The following FOXN3 variants were observed in gnomAD, a reference collection of about 807,000 sequenced individuals.
The protein encoded by FOXN3 is forkhead box N3.
Under a neutral mutation model 38.4 loss-of-function variants are expected in FOXN3, and 7 were observed. The ratio of observed to expected loss-of-function variants is 0.18; its 90% CI spans 0.10 to 0.34. FOXN3 has a LOEUF of 0.34. Among genes scored for constraint, FOXN3 ranks in the 10% least tolerant of loss-of-function variants. FOXN3 has a pLI of 1.00. For missense variants in FOXN3, 456 were observed against 613.4 expected, an observed-to-expected ratio of 0.74 and a Z score of 2.71; for synonymous variants, 230 against 242.2, an observed-to-expected ratio of 0.95 and a Z score of 0.47.
intron 1 of FOXN3, among the ~76,000 whole-genome samples, chr14:89,481,408 G>C (rs146971837): frequency 9.5e-4 from 145 of 152,152 alleles, no homozygotes; most frequent in African/African-American, 3.4e-3. Context: ...GTGACTTCCC[G>C]GCTCGTCTTC....
At chr14:89,542,041 TA>T (rs1307863413) in intron 1 of FOXN3, among the ~76,000 whole-genome samples, 1 of 152,066 alleles carries the variant, frequency 6.6e-6, no homozygotes, top group Non-Finnish European at 1.5e-5. Flanking sequence ...AAGTGCAAAG[TA>T]AAAGCAAGTT....
intron 3 of FOXN3, among the ~76,000 whole-genome samples, chr14:89,308,497 G>C (rs1887441871): frequency 6.6e-6 from 1 of 152,190 alleles, no homozygotes; most frequent in African/African-American, 2.4e-5. Context: ...CCTGGGGAAA[G>C]GTGTCATTCT....
intron 1 of FOXN3, among the ~76,000 whole-genome samples, chr14:89,568,030 T>A (rs1164752518): frequency 2.0e-5 from 3 of 151,896 alleles, no homozygotes; most frequent in Admixed American, 6.6e-5. Context: ...CCAAATCTCG[T>A]TGATTTCAAA....
At chr14:89,603,736 G>A (rs1378293641) in intron 1 of FOXN3, among the ~76,000 whole-genome samples, 2 of 152,024 alleles carry the variant, frequency 1.3e-5, no homozygotes, top group Non-Finnish European at 2.9e-5. Flanking sequence ...AAAAAAATAA[G>A]GCACATTCAG....
chr14:89,510,569 C>T (rs556905078), intron 1 of FOXN3, among the ~76,000 whole-genome samples: 1 of 152,230 alleles, frequency 6.6e-6, no homozygotes, highest in African/African-American at 2.4e-5. Flanking sequence ...GGTAGCTCCA[C>T]CTCGACTCTC....
rs1444777146 is a variant in FOXN3 at position 89,164,642 on chromosome 14, C to T, written c.852-1673G>A. Among the ~76,000 whole-genome samples, 1 of 152,168 alleles carries T rather than the reference C, an allele frequency of 6.6e-6. No homozygotes were observed. Among genetic ancestry groups the T allele is most frequent in the East Asian group, 1.9e-4 (1 of 5,190 alleles). ...CAGCAGATAAACTGAGGAAGTGCGG[C>T]ACAGGTGGAATCACGTGGCTGAGAG... On this transcript the variant is annotated intron_variant, in intron 5 of 5. Coordinates refer to ENST00000557258, the MANE Select transcript of FOXN3 (RefSeq NM_005197.4). This position sits in a 1 kb window ranked among gnomAD's most constrained non-coding sequence, Gnocchi z 4.3.
intron 1 of FOXN3, among the ~76,000 whole-genome samples, chr14:89,606,469 T>C (rs554768908): frequency 2.0e-5 from 3 of 151,838 alleles, no homozygotes; most frequent in South Asian, 2.1e-4. Context: ...GAAAAAAAAA[T>C]TGATAAGAAA....
At chr14:89,497,008 G>A (rs1384032184) in intron 1 of FOXN3, among the ~76,000 whole-genome samples, 1 of 152,162 alleles carries the variant, frequency 6.6e-6, no homozygotes, top group African/African-American at 2.4e-5. Flanking sequence ...AGGCTGGAGT[G>A]CAATGACGCA....
chr14:89,476,625 A>G (rs1893215118), intron 1 of FOXN3, among the ~76,000 whole-genome samples: 1 of 152,200 alleles, frequency 6.6e-6, no homozygotes, highest in Non-Finnish European at 1.5e-5. Context: ...TATTCACTAG[A>G]GGGAAACAGC....
chr14:89,526,830 C>T lies in FOXN3; in HGVS notation c.-15+92198G>A, dbSNP rs8007125. On this transcript the variant is annotated intron_variant, in intron 1 of 6. Coordinates refer to the FOXN3 transcript ENST00000345097. ...GAAAAAAATTAGAAGACTTACAGTA[C>T]ATGACTTTAAGACTTATAACACTAT... is the stretch of plus-strand genomic sequence containing the variant. 4.5e-3 allele frequency among the ~76,000 whole-genome samples: 688 copies of T among 152,184 alleles called. 6 individuals carry two copies. The highest frequency in any genetic ancestry group is 0.016 in the African/African-American group (652 of 41,538).
In FOXN3 at chr14:89,180,728, G is replaced by A. The variant is rs1020794776; in HGVS notation, c.824C>T (p.Thr275Ile). The A allele has an allele frequency of 6.2e-7, 1 of 1,611,780 alleles. No homozygotes were observed. Among genetic ancestry groups the A allele is most frequent in the Non-Finnish European group, 8.5e-7 (1 of 1,179,006 alleles). Residue 275 changes from threonine to isoleucine, a missense_variant, in exon 5 of 6, where the codon ACT becomes ATT. Coordinates refer to ENST00000557258, the MANE Select transcript of FOXN3 (RefSeq NM_005197.4). ...LFPGVRPLPI[T>I]PIGVTAAMRN... The stretch of plus-strand genomic sequence containing the variant: ...CATGGCCGCTGTCACCCCAATGGGA[G>A]TGATTGGCAGCGGCCGCACGCCAGG...
At chr14:89,255,961 C>G (rs934124172) in intron 4 of FOXN3, among the ~76,000 whole-genome samples, 1 of 152,096 alleles carries the variant, frequency 6.6e-6, no homozygotes, top group Admixed American at 6.5e-5. Flanking sequence ...ACCTAAGGAA[C>G]AAGACACCTC....
rs375351484 is a variant in FOXN3, at chr14:89,162,669, C to A, written c.1152G>T (p.Lys384Asn). 6.8e-6 allele frequency: 11 copies of A among 1,614,060 alleles called. No homozygotes were observed. The highest frequency in any genetic ancestry group is 9.3e-6 in the Non-Finnish European group (11 of 1,179,984). Reference protein sequence around the residue: ...DDRKHSQKEPKDSLGDSGYAS... With the variant: ...DDRKHSQKEPNDSLGDSGYAS... The stretch of plus-strand genomic sequence containing the variant: ...CGTACCCGCTGTCCCCCAGAGAATC[C>A]TTGGGCTCCTTCTGGCTGTGCTTCC... Residue 384 changes from lysine to asparagine, a missense_variant, in exon 6 of 6, where the codon AAG becomes AAT. Lys to Asn is a moderately conservative substitution (Grantham distance 94, BLOSUM62 0). Around this residue, in one of 3 missense-constraint regions of FOXN3, gnomAD observed 386 missense variants for 505.2 expected, o/e 0.76. Coordinates refer to ENST00000557258, the MANE Select transcript of FOXN3 (RefSeq NM_005197.4). This position sits in a 1 kb window ranked among gnomAD's most constrained non-coding sequence, Gnocchi z 7.2.
At chr14:89,346,696 A>G (rs554736769) in intron 3 of FOXN3, among the ~76,000 whole-genome samples, 1 of 152,166 alleles carries the variant, frequency 6.6e-6, no homozygotes, top group South Asian at 2.1e-4. Context: ...AACCTTTTCC[A>G]TGCTCTCATC....
chr14:89,240,484 T>C (rs1397074932), intron 4 of FOXN3, among the ~76,000 whole-genome samples: 2 of 152,220 alleles, frequency 1.3e-5, no homozygotes, highest in Non-Finnish European at 2.9e-5. Flanking sequence ...CTTGAATACA[T>C]CTGGTACAAC....
At chr14:89,555,562 T>G (rs763898771) in intron 1 of FOXN3, among the ~76,000 whole-genome samples, 4 of 152,218 alleles carry the variant, frequency 2.6e-5, no homozygotes, top group Non-Finnish European at 5.9e-5. Context: ...CATGTTCATA[T>G]CTTAGGTGAT....
At chr14:89,277,099 A>G (rs1886320764) in intron 4 of FOXN3, among the ~76,000 whole-genome samples, 1 of 152,220 alleles carries the variant, frequency 6.6e-6, no homozygotes, top group African/African-American at 2.4e-5. Flanking sequence ...TGAATGGAAT[A>G]TGGGGGAGGG....
At chr14:89,492,076 A>G (rs1893587472) in intron 1 of FOXN3, among the ~76,000 whole-genome samples, 1 of 152,242 alleles carries the variant, frequency 6.6e-6, no homozygotes, top group South Asian at 2.1e-4. Context: ...CCAAAAAACA[A>G]AAGTTGAACT....
At chr14:89,195,325 T>C (rs1415942391) in intron 4 of FOXN3, among the ~76,000 whole-genome samples, 1 of 152,142 alleles carries the variant, frequency 6.6e-6, no homozygotes, top group African/African-American at 2.4e-5. Context: ...CTCTCTACCT[T>C]AGGTGATGTG....
Sources: allele counts gnomAD v4.1 joint callset (sites outside exome capture counted in the v4.1 genomes callset), GRCh38; gene constraint gnomAD v4.1.1; regional missense constraint gnomAD v4.1.1; non-coding constraint Gnocchi (gnomAD v3.1); transcripts MANE v1.5; gene names NCBI Gene and HGNC (gene_info 2026-07-23, HGNC 2026-07-21).